MECOM: variants seen among roughly 807,000 people sequenced by gnomAD.
The protein encoded by MECOM is MDS1 and EVI1 complex locus.
A neutral mutation model predicts 116.3 loss-of-function variants in MECOM; 13 were observed. The observed-to-expected ratio is 0.11, with a 90% confidence interval of 0.07 to 0.18. The LOEUF is 0.18. MECOM is among the 10% of genes least tolerant of loss of function. The probability of loss-of-function intolerance (pLI) is 1.00; values close to 1 mark genes in which losing one functional copy is unlikely to be tolerated. For synonymous variants in MECOM, 528 were observed against 535.2 expected (o/e 0.99, Z 0.19); for missense variants, 1,299 against 1,509.0 (o/e 0.86, Z 2.31).
intron 1 of MECOM, among the ~76,000 whole-genome samples, chr3:169,594,031 G>T (rs1166246328): frequency 2.0e-5 from 3 of 151,564 alleles, no homozygotes; most frequent in Admixed American, 2.0e-4. Flanking sequence ...TGAGGCAGGA[G>T]AATTGCTTGG....
chr3:169,151,225 T>G (rs1314227104), intron 2 of MECOM, among the ~76,000 whole-genome samples: 1 of 152,156 alleles, frequency 6.6e-6, no homozygotes, highest in Non-Finnish European at 1.5e-5. Flanking sequence ...CCAGATGAAA[T>G]GACTGCACTG....
chr3:169,485,995 GTATA>G (rs1254284879), intron 1 of MECOM, among the ~76,000 whole-genome samples: 2 of 65,078 alleles, frequency 3.1e-5, no homozygotes, highest in Non-Finnish European at 6.0e-5. Context: ...GTATATATAT[GTATA>G]TATATACTAT....
At chr3:169,537,718 TAAA>T (rs144260368) in intron 1 of MECOM, among the ~76,000 whole-genome samples, 9 of 142,682 alleles carry the variant, frequency 6.3e-5, no homozygotes, top group Admixed American at 1.4e-4. Context: ...GCAGAACATT[TAAA>T]AAAAAAAAAA....
At chr3:169,479,545 A>G (rs2421649) in intron 1 of MECOM, among the ~76,000 whole-genome samples, 69,037 of 151,350 alleles carry the variant, frequency 0.46, 16,093 homozygotes, top group South Asian at 0.56. Context: ...TGCCTCTGCA[A>G]TTAGAGAAAG....
chr3:169,609,754 GTTCA>G (rs1769026322), intron 1 of MECOM, among the ~76,000 whole-genome samples: 1 of 152,124 alleles, frequency 6.6e-6, no homozygotes, highest in Non-Finnish European at 1.5e-5. Flanking sequence ...ATCACTGTGT[GTTCA>G]TTGTTTAGAA....
intron 2 of MECOM, among the ~76,000 whole-genome samples, chr3:169,238,253 A>G (rs1754352877): frequency 6.6e-6 from 1 of 152,134 alleles, no homozygotes; most frequent in African/African-American, 2.4e-5. Context: ...AAACTCTCAG[A>G]TTAACAAATG....
chr3:169,429,274 T>G (rs1205942338), intron 1 of MECOM, among the ~76,000 whole-genome samples: 5 of 152,194 alleles, frequency 3.3e-5, no homozygotes, highest in Non-Finnish European at 7.3e-5. Context: ...TAAACCACTG[T>G]GTATAGGTGT....
At position 169,492,922 on chromosome 3, in the gene MECOM, G is replaced by A. The variant is rs375286217; in HGVS notation, c.38-111398C>T. On this transcript the variant is annotated intron_variant, in intron 1 of 16. Coordinates refer to ENST00000651503, the MANE Select transcript of MECOM (RefSeq NM_004991.4). ...TTGCAATGAGCCGAGATCACACCAC[G>A]GCACTCCAGCCTCGAAGACAGAGAG... is the stretch of plus-strand genomic sequence containing the variant. Among the ~76,000 whole-genome samples the A allele has an allele frequency of 4.9e-4, 74 of 152,150 alleles. 1 individual carries two copies. The South Asian group carries it at 0.012, about 24-fold the overall frequency.
chr3:169,481,085 C>A (rs916314998), intron 1 of MECOM, among the ~76,000 whole-genome samples: 9 of 151,708 alleles, frequency 5.9e-5, no homozygotes, highest in Non-Finnish European at 1.3e-4. Context: ...CCTGCCCCCC[C>A]AAAAAAGCAA....
At chr3:169,383,011 A>G (rs1328026551) in intron 1 of MECOM, among the ~76,000 whole-genome samples, 1 of 151,800 alleles carries the variant, frequency 6.6e-6, no homozygotes, top group Non-Finnish European at 1.5e-5. Flanking sequence ...TGACTTTAAG[A>G]CCCTACCAAC....
rs1157859011 is a variant in MECOM, at chr3:169,346,351, AACCATCATC to A, written c.375+34827_375+34835del. On this transcript the variant is annotated intron_variant, in intron 2 of 16. Coordinates refer to ENST00000651503, the MANE Select transcript of MECOM (RefSeq NM_004991.4). ...TGTGATTTCTTTGTAAAATTAAATG[AACCATCATC>A]ATACATTCTGCAGGTCTCTTTTTAA... Among the ~76,000 whole-genome samples, 19 of 152,226 alleles carry A rather than the reference AACCATCATC, an allele frequency of 1.2e-4. No homozygotes were observed. The East Asian group carries it at 3.7e-3, about 29-fold the overall frequency.
intron 1 of MECOM, among the ~76,000 whole-genome samples, chr3:169,615,669 T>C (rs1769906585): frequency 6.6e-6 from 1 of 152,244 alleles, no homozygotes; most frequent in African/African-American, 2.4e-5. Flanking sequence ...CTGAATTTGA[T>C]AGCCAGGAGG....
At chr3:169,290,000 G>A (rs900763718) in intron 2 of MECOM, among the ~76,000 whole-genome samples, 4 of 152,158 alleles carry the variant, frequency 2.6e-5, no homozygotes, top group Admixed American at 1.3e-4. Context: ...TTGGATTGCT[G>A]TAGCATTGCC....
At chr3:169,487,351 C>T (rs886516670) in intron 1 of MECOM, among the ~76,000 whole-genome samples, 5 of 151,552 alleles carry the variant, frequency 3.3e-5, no homozygotes, top group African/African-American at 7.3e-5. Flanking sequence ...GAAACGAAAA[C>T]ACTTGGCAGC....
At chr3:169,259,490 G>T (rs1577495561) in intron 2 of MECOM, among the ~76,000 whole-genome samples, 1 of 152,150 alleles carries the variant, frequency 6.6e-6, no homozygotes, top group Non-Finnish European at 1.5e-5. Flanking sequence ...CACTTTGGGA[G>T]CCCAAGCACT....
At chr3:169,415,615 T>A (rs1738434337) in intron 1 of MECOM, among the ~76,000 whole-genome samples, 1 of 152,044 alleles carries the variant, frequency 6.6e-6, no homozygotes, top group African/African-American at 2.4e-5. Context: ...GACCCATCAG[T>A]GTGCTGTATT....
At chr3:169,248,016 C>T (rs1181396209) in intron 2 of MECOM, among the ~76,000 whole-genome samples, 2 of 152,154 alleles carry the variant, frequency 1.3e-5, no homozygotes, top group Non-Finnish European at 2.9e-5. Context: ...TATCATAATA[C>T]TTATGTCATA....
At chr3:169,241,237 T>C (rs1196185589) in intron 2 of MECOM, among the ~76,000 whole-genome samples, 1 of 152,030 alleles carries the variant, frequency 6.6e-6, no homozygotes, top group Non-Finnish European at 1.5e-5. Context: ...GGGGAGAACG[T>C]AAATTTGTGA....
intron 1 of MECOM, among the ~76,000 whole-genome samples, chr3:169,605,931 T>C (rs1288640346): frequency 6.6e-6 from 1 of 152,146 alleles, no homozygotes. Flanking sequence ...TGAAATATCA[T>C]AGACAGAATG....
Sources: allele counts gnomAD v4.1 joint callset (sites outside exome capture counted in the v4.1 genomes callset), GRCh38; gene constraint gnomAD v4.1.1; transcripts MANE v1.5; gene names NCBI Gene and HGNC (gene_info 2026-07-23, HGNC 2026-07-21).